The following CTNND2 variants were observed in gnomAD, a reference collection of about 807,000 sequenced individuals.
CTNND2 encodes the protein catenin delta 2.
Under a neutral mutation model 144.4 loss-of-function variants are expected in CTNND2, and 22 were observed. That is an observed-to-expected ratio of 0.15 (90% CI 0.11 to 0.22). The LOEUF (loss-of-function observed/expected upper bound fraction) is 0.22. Ranked by LOEUF, CTNND2 falls within the 10% of genes least tolerant of loss-of-function variation. CTNND2 has a pLI of 1.00. For synonymous variants in CTNND2, 751 were observed against 695.6 expected (o/e 1.08, Z -1.25); for missense variants, 1,353 against 1,618.8 (o/e 0.84, Z 2.82).
intron 1 of CTNND2, among the ~76,000 whole-genome samples, chr5:11,780,428 G>A (rs1790484695): frequency 1.3e-5 from 2 of 152,122 alleles, no homozygotes; most frequent in South Asian, 4.1e-4. Flanking sequence ...CATGACCTTA[G>A]AAAGACTGGA....
chr5:11,572,678 A>G (rs932679258), intron 2 of CTNND2, among the ~76,000 whole-genome samples: 29 of 151,800 alleles, frequency 1.9e-4, no homozygotes, highest in African/African-American at 7.0e-4. Context: ...CAAATTATCT[A>G]TTTCCCCCAG....
At chr5:11,901,983 G>A (rs536120436) in intron 1 of CTNND2, among the ~76,000 whole-genome samples, 112 of 152,256 alleles carry the variant, frequency 7.4e-4, no homozygotes, top group Non-Finnish European at 1.1e-3. Context: ...AAGTGCTCTC[G>A]GAAAGTTCCC....
At chr5:11,438,278 AACAAAT>A (rs1182625576) in intron 3 of CTNND2, among the ~76,000 whole-genome samples, 1 of 152,218 alleles carries the variant, frequency 6.6e-6, no homozygotes, top group East Asian at 1.9e-4. Flanking sequence ...TCATTCAATC[AACAAAT>A]ACATATGTAT....
intron 9 of CTNND2, among the ~76,000 whole-genome samples, chr5:11,263,889 G>T (rs1046583374): frequency 2.0e-5 from 3 of 152,220 alleles, no homozygotes; most frequent in Non-Finnish European, 4.4e-5. Flanking sequence ...CAGGTGTGGT[G>T]TGAATAGCTC....
chr5:11,892,398 G>T (rs1313684494), intron 1 of CTNND2, among the ~76,000 whole-genome samples: 1 of 152,144 alleles, frequency 6.6e-6, no homozygotes. Context: ...CAGTAAACAT[G>T]AAAGTAACAA....
intron 2 of CTNND2, among the ~76,000 whole-genome samples, chr5:11,643,834 A>T (rs1782200813): frequency 6.6e-6 from 1 of 152,194 alleles, no homozygotes; most frequent in South Asian, 2.1e-4. Flanking sequence ...ATGTATTGTA[A>T]CATTTGTTTT....
chr5:11,034,858 T>C (rs1288985304), intron 16 of CTNND2, among the ~76,000 whole-genome samples: 1 of 152,166 alleles, frequency 6.6e-6, no homozygotes, highest in Non-Finnish European at 1.5e-5. Context: ...TTGATCTTTT[T>C]TTTGCCTCTT....
At chr5:11,265,639 T>C (rs1745356324) in intron 9 of CTNND2, among the ~76,000 whole-genome samples, 1 of 151,790 alleles carries the variant, frequency 6.6e-6, no homozygotes, top group African/African-American at 2.4e-5. Context: ...AGAAGACATA[T>C]AGCATTAAGT....
chr5:11,531,603 A>T (rs1041512683), intron 3 of CTNND2, among the ~76,000 whole-genome samples: 3 of 152,104 alleles, frequency 2.0e-5, no homozygotes, highest in African/African-American at 7.2e-5. Flanking sequence ...TCCAGCCTGG[A>T]GGACAGAGTA....
chr5:11,070,063 T>A (rs1748087858), intron 16 of CTNND2, among the ~76,000 whole-genome samples: 1 of 152,142 alleles, frequency 6.6e-6, no homozygotes, highest in Non-Finnish European at 1.5e-5. Flanking sequence ...CGGCATACAA[T>A]AACAAATCAC....
chr5:11,430,234 G>A (rs546428338), intron 3 of CTNND2, among the ~76,000 whole-genome samples: 142 of 120,562 alleles, frequency 1.2e-3, no homozygotes, highest in Middle Eastern at 6.3e-3. Context: ...GGGCAACAGG[G>A]TTAGACTCCG....
intron 2 of CTNND2, among the ~76,000 whole-genome samples, chr5:11,700,472 C>T (rs750529407): frequency 6.6e-6 from 1 of 152,166 alleles, no homozygotes; most frequent in Non-Finnish European, 1.5e-5. Flanking sequence ...TTACAATTTG[C>T]TGTGGGATCA....
intron 9 of CTNND2, among the ~76,000 whole-genome samples, chr5:11,252,522 A>G (rs546872568): frequency 6.6e-6 from 1 of 152,362 alleles, no homozygotes; most frequent in South Asian, 2.1e-4. Context: ...GTAAGCTCAC[A>G]TTTAAGGAGC....
At chr5:11,327,103 A>G (rs1752610307) in intron 9 of CTNND2, among the ~76,000 whole-genome samples, 1 of 152,128 alleles carries the variant, frequency 6.6e-6, no homozygotes, top group Admixed American at 6.5e-5. Context: ...GAGGCATCTC[A>G]AGCTAGAGGG....
rs1738216465 is a variant in CTNND2 at position 10,988,037 on chromosome 5, T to C, written c.3343+74A>G. ...CAAGCGCAGCCAGCCCCGTGAAGCCTGATGTCCCATATCTCTGCCTTGTCG... is the reference window on the plus strand; with the variant it reads ...CAAGCGCAGCCAGCCCCGTGAAGCCCGATGTCCCATATCTCTGCCTTGTCG... On this transcript the variant is annotated intron_variant, in intron 20 of 21. Transcript: ENST00000304623. The surrounding 1 kb of genome is among the most constrained non-coding windows in gnomAD (Gnocchi z 5.9). The C allele has an allele frequency of 6.3e-7, 1 of 1,591,646 alleles. No homozygotes were observed. Among genetic ancestry groups the C allele is most frequent in the Non-Finnish European group, 8.6e-7 (1 of 1,167,296 alleles).
chr5:11,334,670 A>G (rs886362253), intron 9 of CTNND2, among the ~76,000 whole-genome samples: 8 of 152,236 alleles, frequency 5.3e-5, no homozygotes, highest in Admixed American at 2.6e-4. Context: ...AAGATGGGGG[A>G]GCCACCCTAG....
At chr5:11,198,065 T>C (rs1220114809) in intron 11 of CTNND2, among the ~76,000 whole-genome samples, 1 of 152,204 alleles carries the variant, frequency 6.6e-6, no homozygotes, top group Admixed American at 6.5e-5. Flanking sequence ...GAGCTCTTTC[T>C]TTTGCAGGCA....
chr5:11,354,741 G>C (rs1755687798), intron 8 of CTNND2, among the ~76,000 whole-genome samples: 1 of 152,110 alleles, frequency 6.6e-6, no homozygotes. Flanking sequence ...CTACGCTCCA[G>C]ACCAAAGGGA....
intron 2 of CTNND2, among the ~76,000 whole-genome samples, chr5:11,578,813 T>C (rs1222506052): frequency 6.6e-6 from 1 of 152,196 alleles, no homozygotes; most frequent in African/African-American, 2.4e-5. Context: ...AATACAGAGA[T>C]AGCTGGCCCA....
Sources: gnomAD v4.1 joint callset for allele counts (sites outside exome capture counted in the v4.1 genomes callset) on GRCh38, gnomAD v4.1.1 for gene constraint, Gnocchi (gnomAD v3.1) non-coding constraint, MANE v1.5 for transcripts, NCBI Gene and HGNC (gene_info 2026-07-23, HGNC 2026-07-21) for gene names.